Variants in PPARGC1A observed in about 807,000 individuals in gnomAD.
PPARGC1A encodes the protein peroxisome proliferator-activated receptor gamma coactivator 1-alpha.
PPARGC1A carries 25 observed loss-of-function variants against 88.7 expected under a neutral mutation model. The ratio of observed to expected loss-of-function variants is 0.28; its 90% CI spans 0.21 to 0.39. PPARGC1A has a LOEUF of 0.39. Ranked by LOEUF, PPARGC1A falls within the 10% of genes least tolerant of loss-of-function variation. The pLI, the probability that PPARGC1A is intolerant of heterozygous loss-of-function variation, is 1.00. For synonymous variants in PPARGC1A, 363 were observed against 355.6 expected (o/e 1.02, Z -0.24); for missense variants, 880 against 968.7 (o/e 0.91, Z 1.22).
chr4:24,041,303 A>T, the PPARGC1A span, among the ~76,000 whole-genome samples: 3 of 152,178 alleles, frequency 2.0e-5, no homozygotes, highest in Non-Finnish European at 4.4e-5. Context: ...CCTGCTGGGC[A>T]CAGTTTAGAA....
chr4:24,252,897 T>C, the PPARGC1A span, among the ~76,000 whole-genome samples: 2 of 152,224 alleles, frequency 1.3e-5, no homozygotes, highest in Non-Finnish European at 2.9e-5. Context: ...AGTGTGTAGT[T>C]CTTTCTATTT....
the PPARGC1A span, among the ~76,000 whole-genome samples, chr4:23,952,945 C>A: frequency 6.6e-6 from 1 of 152,138 alleles, no homozygotes; most frequent in South Asian, 2.1e-4. Flanking sequence ...CATAAACCTA[C>A]TATAATGCAT....
chr4:23,796,170 C>T (rs530034140), intron 12 of PPARGC1A, among the ~76,000 whole-genome samples: 8 of 152,046 alleles, frequency 5.3e-5, no homozygotes, highest in Non-Finnish European at 1.0e-4. Context: ...GCAGAGCACA[C>T]GTTAATATAT....
At chr4:24,423,746 A>G in the PPARGC1A span, among the ~76,000 whole-genome samples, 308 of 152,342 alleles carry the variant, frequency 2.0e-3, no homozygotes, top group African/African-American at 6.7e-3. Context: ...CTCAGCCTCA[A>G]TTCCAACTGA....
the PPARGC1A span, among the ~76,000 whole-genome samples, chr4:23,968,792 G>A: frequency 3.9e-5 from 6 of 151,972 alleles, no homozygotes; most frequent in African/African-American, 1.2e-4. Flanking sequence ...GTGGGTGCCC[G>A]TAGTCTCAGC....
At chr4:24,079,790 A>T in the PPARGC1A span, among the ~76,000 whole-genome samples, 1 of 152,056 alleles carries the variant, frequency 6.6e-6, no homozygotes, top group Admixed American at 6.6e-5. Flanking sequence ...AGGTAACTCA[A>T]CACCACTGAC....
the PPARGC1A span, among the ~76,000 whole-genome samples, chr4:24,083,296 T>G: frequency 1.3e-5 from 2 of 152,138 alleles, no homozygotes; most frequent in African/African-American, 4.8e-5. Context: ...ACAGTAGACA[T>G]AAAGCCCCAT....
chr4:23,844,879 C>A, intron 2 of PPARGC1A, among the ~76,000 whole-genome samples: 1 of 33,332 alleles, frequency 3.0e-5, no homozygotes, highest in African/African-American at 1.3e-4. Flanking sequence ...ATTATATACA[C>A]ACACACACAC....
At chr4:24,229,705 T>A in the PPARGC1A span, among the ~76,000 whole-genome samples, 1 of 151,484 alleles carries the variant, frequency 6.6e-6, no homozygotes, top group Admixed American at 6.6e-5. Flanking sequence ...ATTAGCTGGG[T>A]ATAGTGGCAC....
the PPARGC1A span, among the ~76,000 whole-genome samples, chr4:23,982,419 A>G: frequency 4.7e-4 from 71 of 152,008 alleles, no homozygotes; most frequent in Admixed American, 4.6e-3. Context: ...CGTCATGGCC[A>G]TGCTCCTTTC....
the PPARGC1A span, among the ~76,000 whole-genome samples, chr4:24,218,556 T>G: frequency 3.3e-5 from 5 of 152,000 alleles, no homozygotes; most frequent in South Asian, 1.0e-3. Context: ...TAATGATTTC[T>G]CACCTTTTCA....
At chr4:24,189,108 G>C in the PPARGC1A span, among the ~76,000 whole-genome samples, 1 of 152,078 alleles carries the variant, frequency 6.6e-6, no homozygotes, top group Non-Finnish European at 1.5e-5. Context: ...AAATCATAGA[G>C]ACAGAAAGTA....
At chr4:24,297,203 G>T in the PPARGC1A span, among the ~76,000 whole-genome samples, 1 of 152,118 alleles carries the variant, frequency 6.6e-6, no homozygotes. Flanking sequence ...CTATATACAG[G>T]CATGAGGTAG....
chr4:24,001,025 C>T, the PPARGC1A span, among the ~76,000 whole-genome samples: 1 of 152,140 alleles, frequency 6.6e-6, no homozygotes, highest in African/African-American at 2.4e-5. Flanking sequence ...AAATATACTG[C>T]TCTTATTACA....
the PPARGC1A span, among the ~76,000 whole-genome samples, chr4:23,944,558 G>A: frequency 2.0e-5 from 3 of 152,174 alleles, no homozygotes; most frequent in Non-Finnish European, 4.4e-5. Context: ...CCAAAACACT[G>A]TTGATATGGT....
chr4:24,401,549 T>A, the PPARGC1A span, among the ~76,000 whole-genome samples: 9 of 152,302 alleles, frequency 5.9e-5, no homozygotes, highest in African/African-American at 2.2e-4. Flanking sequence ...TGATGGTTAA[T>A]GTTTACTGAG....
chr4:23,844,742 C>CATAATATGATATATATTATA (rs1727873014), intron 2 of PPARGC1A, among the ~76,000 whole-genome samples: 1 of 23,826 alleles, frequency 4.2e-5, no homozygotes, highest in Non-Finnish European at 8.2e-5. Context: ...TATGATATAT[C>CATAATATGATATATATTATA]ATAATATATG....
intron 2 of PPARGC1A, among the ~76,000 whole-genome samples, chr4:23,844,391 CTA>C (rs1727628767): frequency 8.0e-6 from 1 of 125,140 alleles, no homozygotes; most frequent in Non-Finnish European, 1.6e-5. Flanking sequence ...ATATGACAAT[CTA>C]TATTATTTAT....
chr4:23,798,897 C>G (rs1332495544), intron 12 of PPARGC1A, among the ~76,000 whole-genome samples: 1 of 152,138 alleles, frequency 6.6e-6, no homozygotes, highest in African/African-American at 2.4e-5. Flanking sequence ...TAAATAGTAG[C>G]TGAAATCGTT....
Sources: gnomAD v4.1 joint callset for allele counts (sites outside exome capture counted in the v4.1 genomes callset) on GRCh38, gnomAD v4.1.1 for gene constraint, MANE v1.5 for transcripts, NCBI Gene and HGNC (gene_info 2026-07-23, HGNC 2026-07-21) for gene names.